FRMPD4: variants seen among roughly 807,000 people sequenced by gnomAD.
FRMPD4 encodes the protein FERM and PDZ domain-containing protein 4.
A neutral mutation model predicts 94.1 loss-of-function variants in FRMPD4; 22 were observed. That is an observed-to-expected ratio of 0.23 (90% CI 0.17 to 0.33). The LOEUF (loss-of-function observed/expected upper bound fraction) is 0.33. Among genes scored for constraint, FRMPD4 ranks in the 10% least tolerant of loss-of-function variants. The probability of loss-of-function intolerance (pLI) is 1.00; values close to 1 mark genes in which losing one functional copy is unlikely to be tolerated. For synonymous variants in FRMPD4, 631 were observed against 548.6 expected, an observed-to-expected ratio of 1.15 and a Z score of -2.10; for missense variants, 1,111 against 1,339.9, an observed-to-expected ratio of 0.83 and a Z score of 2.67.
At chrX:12,090,901 CTAAT>C (rs2055148695) in intron 3 of FRMPD4, among the ~76,000 whole-genome samples, 1 of 112,255 alleles carries the variant, frequency 8.9e-6, no homozygotes, top group African/African-American at 3.2e-5. Context: ...AGGAGAGAGA[CTAAT>C]TAGTTTATTA....
At chrX:12,599,724 C>CT (rs2059067162) in intron 2 of FRMPD4, among the ~76,000 whole-genome samples, 1 of 111,657 alleles carries the variant, frequency 9.0e-6, no homozygotes, top group Non-Finnish European at 1.9e-5. Flanking sequence ...TGTAAAACAC[C>CT]TTTTGGGCTC....
rs777883854 is a variant in FRMPD4, at chrX:11,896,789, T to C, written c.95+18771T>C. On this transcript the variant is annotated intron_variant, in intron 3 of 18. Coordinates refer to the FRMPD4 transcript ENST00000640291. ...TCCATGGATTGGGCCAATGAGCCAT[T>C]CCCCAAAGAATGTTTAAACTGGTGT... 8.9e-5 allele frequency among the ~76,000 whole-genome samples: 10 copies of C among 111,771 alleles called. No individual in the cohort carries two copies. The East Asian group carries it at 2.8e-3, about 31-fold the overall frequency.
intron 3 of FRMPD4, among the ~76,000 whole-genome samples, chrX:12,046,694 G>A (rs1321383245): frequency 8.9e-6 from 1 of 112,162 alleles, no homozygotes; most frequent in Non-Finnish European, 1.9e-5. Flanking sequence ...GTGAGGGATG[G>A]GGGAAGGGGC....
At chrX:11,917,928 CTG>C in intron 3 of FRMPD4, among the ~76,000 whole-genome samples, 1 of 110,441 alleles carries the variant, frequency 9.1e-6, no homozygotes, top group East Asian at 2.8e-4. Flanking sequence ...AAGAAAGACA[CTG>C]TTCTGTGAAA....
rs182255207 is a variant in FRMPD4 at position 12,705,650 on chromosome X, A to C, written c.1197+1165A>C. ...AGCATTCAGCTTACAGAGATGTAGC[A>C]AGATGATGTGGGTCAAGTTCTTTTT... On this transcript the variant is annotated intron_variant, in intron 11 of 16. Transcript: ENST00000675598. Among the ~76,000 whole-genome samples, 496 of 111,050 alleles carry C rather than the reference A, an allele frequency of 4.5e-3. 4 individuals are homozygous for C. The highest frequency in any genetic ancestry group is 0.015 in the African/African-American group (459 of 30,504).
chrX:12,228,940 G>A (rs1335152740), intron 1 of FRMPD4, among the ~76,000 whole-genome samples: 1 of 112,062 alleles, frequency 8.9e-6, no homozygotes, highest in Non-Finnish European at 1.9e-5. Flanking sequence ...AGAAGCCTGT[G>A]TCAGTTGATA....
chrX:12,676,587 G>A (rs1569404050), intron 5 of FRMPD4, among the ~76,000 whole-genome samples: 1 of 112,066 alleles, frequency 8.9e-6, no homozygotes, highest in Non-Finnish European at 1.9e-5. Context: ...TTTGCAATGT[G>A]GGATACTGTT....
At chrX:12,437,909 ATTTTG>A (rs2057088518) in intron 1 of FRMPD4, among the ~76,000 whole-genome samples, 3 of 111,994 alleles carry the variant, frequency 2.7e-5, no homozygotes, top group Non-Finnish European at 5.6e-5. Context: ...ATAGAATAAA[ATTTTG>A]TTTTGTGAGT....
chrX:12,101,895 C>A (rs977671474), intron 3 of FRMPD4, among the ~76,000 whole-genome samples: 9 of 111,989 alleles, frequency 8.0e-5, no homozygotes, highest in Non-Finnish European at 1.7e-4. Flanking sequence ...TCTATATCTC[C>A]ATCTATAGCT....
At chrX:12,024,305 G>A (rs890261215) in intron 3 of FRMPD4, among the ~76,000 whole-genome samples, 1 of 111,844 alleles carries the variant, frequency 8.9e-6, no homozygotes, top group Non-Finnish European at 1.9e-5. Flanking sequence ...ACTCATGCAT[G>A]TACACACCCA....
At chrX:12,446,184 T>C (rs1487880691) in intron 1 of FRMPD4, among the ~76,000 whole-genome samples, 5 of 112,278 alleles carry the variant, frequency 4.5e-5, no homozygotes, top group African/African-American at 9.7e-5. Context: ...TAGAAATACA[T>C]TGTATAATAC....
chrX:12,468,517 G>A (rs775141227), intron 1 of FRMPD4, among the ~76,000 whole-genome samples: 2 of 111,879 alleles, frequency 1.8e-5, no homozygotes, highest in South Asian at 7.4e-4. Context: ...AGCATATTTT[G>A]TGTCTGTATT....
chrX:12,620,729 G>A (rs772945637), intron 4 of FRMPD4, among the ~76,000 whole-genome samples: 14 of 112,130 alleles, frequency 1.2e-4, no homozygotes, highest in Non-Finnish European at 2.3e-4. Flanking sequence ...AATCTCATCA[G>A]TCAACAAGAG....
At chrX:12,715,997 A>AGCGGGGG in intron 14 of FRMPD4, 72 bp from the exon 15 acceptor site, 2 of 387,127 alleles carry the variant, frequency 5.2e-6, no homozygotes, top group Non-Finnish European at 4.6e-6. Flanking sequence ...AACAGAGACG[A>AGCGGGGG]GCCTCCCACC....
At chrX:12,018,098 T>C (rs765049774) in intron 3 of FRMPD4, among the ~76,000 whole-genome samples, 1 of 110,967 alleles carries the variant, frequency 9.0e-6, no homozygotes, top group African/African-American at 3.3e-5. Context: ...CATTAGTTTT[T>C]TAGGGCTGCT....
rs149479459 is a variant in FRMPD4 at position 12,366,188 on chromosome X, T to C, written c.42-132492T>C. Among the ~76,000 whole-genome samples, 833 of 111,836 alleles carry C rather than the reference T, an allele frequency of 7.4e-3. 7 individuals carry two copies. Among genetic ancestry groups the C allele is most frequent in the African/African-American group, 0.026 (801 of 30,746 alleles). On this transcript the variant is annotated intron_variant, in intron 1 of 16. Transcript: ENST00000675598. ...AAAAGGGTTTGCCAGGCCAAGAAAGTGCGAGGTCATTTCAATGAAGGCAAA... is the reference window on the plus strand; with the variant it reads ...AAAAGGGTTTGCCAGGCCAAGAAAGCGCGAGGTCATTTCAATGAAGGCAAA...
intron 4 of FRMPD4, among the ~76,000 whole-genome samples, chrX:12,645,515 C>T (rs1027652833): frequency 9.2e-6 from 1 of 108,641 alleles, no homozygotes; most frequent in Non-Finnish European, 1.9e-5. Flanking sequence ...ACCACCACGC[C>T]CGACTAATTT....
intron 1 of FRMPD4, among the ~76,000 whole-genome samples, chrX:12,493,443 C>T (rs959387486): frequency 1.8e-5 from 2 of 111,462 alleles, no homozygotes; most frequent in African/African-American, 6.5e-5. Context: ...GATGAATGAC[C>T]GAATGCATAG....
At position 12,034,516 on chromosome X, in the gene FRMPD4, G is replaced by A. The variant is rs1250206287; in HGVS notation, c.95+156498G>A. ...CCTTCATCTGGGAGTTGGATTACCT[G>A]AAAAGATTTTCATCTGGTACATGGT... is the stretch of plus-strand genomic sequence containing the variant. On this transcript the variant is annotated intron_variant, in intron 3 of 18. Transcript: ENST00000640291. Among the ~76,000 whole-genome samples the A allele has an allele frequency of 3.6e-5, 4 of 111,949 alleles. No homozygotes were observed. The East Asian group carries it at 1.1e-3, about 31-fold the overall frequency.
Sources: gnomAD v4.1 joint callset for allele counts (sites outside exome capture counted in the v4.1 genomes callset) on GRCh38, gnomAD v4.1.1 for gene constraint, MANE v1.5 for transcripts, NCBI Gene and HGNC (gene_info 2026-07-23, HGNC 2026-07-21) for gene names.